Variants in MTFR1 observed in about 807,000 individuals in gnomAD.
MTFR1 encodes the protein chondrocyte protein with a poly-proline region.
A neutral mutation model predicts 38.8 loss-of-function variants in MTFR1; 28 were observed. That is an observed-to-expected ratio of 0.72 (90% confidence interval 0.53 to 0.99). The LOEUF is 0.99. Among genes scored for constraint, MTFR1 ranks in the 50% least tolerant of loss-of-function variants. The probability of loss-of-function intolerance (pLI) is 0.00; values close to 1 mark genes in which losing one functional copy is unlikely to be tolerated. For synonymous variants in MTFR1, 145 were observed against 137.0 expected (o/e 1.06, Z -0.41); for missense variants, 358 against 395.5 (o/e 0.91, Z 0.81).
At chr8:65,647,009 A>G (rs999887054) in intron 1 of MTFR1, among the ~76,000 whole-genome samples, 32 of 152,256 alleles carry the variant, frequency 2.1e-4, no homozygotes, top group African/African-American at 7.7e-4. Flanking sequence ...TCAGAAGTCC[A>G]GAAGTCAGGT....
intron 1 of MTFR1, among the ~76,000 whole-genome samples, chr8:65,652,452 T>C (rs1809149478): frequency 6.6e-6 from 1 of 152,162 alleles, no homozygotes; most frequent in Non-Finnish European, 1.5e-5. Context: ...CAGGCTGGTC[T>C]CAAACTCCTG....
chr8:65,758,587 A>G (rs1040832311), intron 3 of MTFR1, among the ~76,000 whole-genome samples: 1 of 152,246 alleles, frequency 6.6e-6, no homozygotes, highest in African/African-American at 2.4e-5. Flanking sequence ...GACGGTGAGT[A>G]AGCCAGCCCT....
intron 1 of MTFR1, among the ~76,000 whole-genome samples, chr8:65,655,399 T>C (rs1809227936): frequency 6.6e-6 from 1 of 152,070 alleles, no homozygotes; most frequent in South Asian, 2.1e-4. Flanking sequence ...GTATAGGTCA[T>C]GAGATTTATT....
At chr8:65,718,119 T>C (rs2129062577) in intron 2 of MTFR1, 1 of 152,374 alleles carries the variant, frequency 6.6e-6, no homozygotes, top group Non-Finnish European at 1.5e-5. Context: ...GTGCATAGTT[T>C]AAGGCAACTG....
downstream of MTFR1, among the ~76,000 whole-genome samples, chr8:65,775,985 T>C (rs1247092900): frequency 1.3e-5 from 2 of 152,170 alleles, no homozygotes; most frequent in Non-Finnish European, 2.9e-5. Flanking sequence ...TTGCTATATC[T>C]AATTCCCATC....
rs546158730 is a variant in MTFR1 at position 65,752,793 on chromosome 8, C to T, written c.*49-18154C>T. Among the ~76,000 whole-genome samples the T allele has an allele frequency of 1.2e-4, 18 of 152,276 alleles. 1 individual carries two copies. The East Asian group carries it at 3.5e-3, about 29-fold the overall frequency. Reference sequence around the variant, plus strand: ...ACACTCTAAACTGTCTATGTTGAAACACCTTTATGTGTTTTCTATCTCACT... The same window carrying T: ...ACACTCTAAACTGTCTATGTTGAAATACCTTTATGTGTTTTCTATCTCACT... On this transcript the variant is annotated intron_variant, in intron 3 of 3. Coordinates refer to the MTFR1 transcript ENST00000521247.
intron 1 of MTFR1, among the ~76,000 whole-genome samples, chr8:65,650,569 C>T (rs1430143672): frequency 2.0e-5 from 3 of 152,146 alleles, no homozygotes; most frequent in African/African-American, 7.2e-5. Context: ...TTCTGCCTGG[C>T]TTATTTCGCT....
chr8:65,730,459 T>G (rs1001960272), intron 3 of MTFR1, among the ~76,000 whole-genome samples: 2 of 151,742 alleles, frequency 1.3e-5, no homozygotes, highest in African/African-American at 2.4e-5. Context: ...GGATTACAGG[T>G]GTGAGCCACC....
chr8:65,721,133 C>CT (rs150607693), intron 3 of MTFR1, among the ~76,000 whole-genome samples: 2,288 of 152,290 alleles, frequency 0.015, 67 homozygotes, highest in African/African-American at 0.052. Context: ...GGGCAGGACT[C>CT]TGTTAATTAG....
At chr8:65,719,562 TACA>T in intron 3 of MTFR1, 1 of 1,040,344 alleles carries the variant, frequency 9.6e-7, no homozygotes, top group Non-Finnish European at 1.5e-6. Flanking sequence ...ACATCATCTA[TACA>T]ACATTAACCT....
Position 65,723,574 on chromosome 8 carries a change from G to A in MTFR1, c.*48+4093G>A, listed in dbSNP as rs144703159. On this transcript the variant is annotated intron_variant, in intron 3 of 3. Transcript: ENST00000521247. ...ATGTTGGCAATAGATTCAGTGTGAC[G>A]ATCGCAAAGTGGACTCACACCCAAA... 202 of 1,581,272 alleles carry A rather than the reference G, an allele frequency of 1.3e-4. No individual in the cohort carries two copies. Among genetic ancestry groups the A allele is most frequent in the Non-Finnish European group, 4.4e-5 (51 of 1,165,568 alleles).
intron 3 of MTFR1, among the ~76,000 whole-genome samples, chr8:65,757,557 T>C (rs1367824691): frequency 6.6e-6 from 1 of 152,202 alleles, no homozygotes; most frequent in Non-Finnish European, 1.5e-5. Context: ...GCATCTGGAA[T>C]AATTGAGCTA....
At chr8:65,670,910 T>C (rs917326797) in intron 2 of MTFR1, among the ~76,000 whole-genome samples, 7 of 152,138 alleles carry the variant, frequency 4.6e-5, no homozygotes, top group Admixed American at 4.6e-4. Context: ...TCCACTATGT[T>C]GGCCAGGCTG....
intron 1 of MTFR1, among the ~76,000 whole-genome samples, chr8:65,653,714 G>T (rs911043870): frequency 2.6e-5 from 4 of 151,990 alleles, no homozygotes; most frequent in African/African-American, 9.7e-5. Context: ...TAATTTTTAT[G>T]TTTTTACTTT....
At chr8:65,727,474 TCTC>T in intron 3 of MTFR1, 1 of 793,354 alleles carries the variant, frequency 1.3e-6, no homozygotes, top group Non-Finnish European at 1.9e-6. Flanking sequence ...CAGGTCCTGA[TCTC>T]ATCACCACAC....
the MTFR1 span, among the ~76,000 whole-genome samples, chr8:65,776,913 G>A: frequency 6.6e-6 from 1 of 152,124 alleles, no homozygotes; most frequent in African/African-American, 2.4e-5. Flanking sequence ...GATGATGAAA[G>A]ATATTCTTGA....
intron 3 of MTFR1, among the ~76,000 whole-genome samples, chr8:65,768,910 T>C (rs1029189685): frequency 3.9e-5 from 6 of 152,144 alleles, no homozygotes; most frequent in African/African-American, 1.4e-4. Context: ...TGACAGATGC[T>C]ATCTGAGGAA....
chr8:65,659,493 G>T (rs1809354826), intron 1 of MTFR1, among the ~76,000 whole-genome samples: 1 of 151,124 alleles, frequency 6.6e-6, no homozygotes, highest in South Asian at 2.1e-4. Context: ...CCATAGGCTG[G>T]GGTCGGACCA....
In MTFR1 at chr8:65,748,792, C is replaced by T. The variant is rs77031786; in HGVS notation, c.*49-22155C>T. Among the ~76,000 whole-genome samples, 1,410 of 152,178 alleles carry T rather than the reference C, an allele frequency of 9.3e-3. 8 individuals carry two copies. The highest frequency in any genetic ancestry group is 0.02 in the Middle Eastern group (6 of 294). The stretch of plus-strand genomic sequence containing the variant: ...GCAATAATATCTAATTTAAGGGGTG[C>T]TGGATTAAATGAGATAATATATATA... On this transcript the variant is annotated intron_variant, in intron 3 of 3. Transcript: ENST00000521247.
Sources: gnomAD v4.1 joint callset for allele counts (sites outside exome capture counted in the v4.1 genomes callset) on GRCh38, gnomAD v4.1.1 for gene constraint, MANE v1.5 for transcripts, NCBI Gene and HGNC (gene_info 2026-07-23, HGNC 2026-07-21) for gene names.